Variants in CPXM2 observed in about 807,000 individuals in gnomAD.
The protein encoded by CPXM2 is inactive carboxypeptidase-like protein X2.
CPXM2 carries 66 observed loss-of-function variants against 86.1 expected under a neutral mutation model. The observed-to-expected ratio is 0.77, with a 90% confidence interval of 0.63 to 0.94. The LOEUF (loss-of-function observed/expected upper bound fraction) is 0.94. Ranked by LOEUF, CPXM2 falls within the 40% of genes least tolerant of loss-of-function variation. The pLI, the probability that CPXM2 is intolerant of heterozygous loss-of-function variation, is 0.00. For synonymous variants in CPXM2, 388 were observed against 400.2 expected (o/e 0.97, Z 0.36); for missense variants, 948 against 1,026.3 (o/e 0.92, Z 1.04).
At chr10:123,747,519 C>G (rs1845993291) in intron 13 of CPXM2, among the ~76,000 whole-genome samples, 1 of 152,164 alleles carries the variant, frequency 6.6e-6, no homozygotes, top group South Asian at 2.1e-4. Context: ...GCCCTGGCAC[C>G]TGTACCCCAT....
intron 6 of CPXM2, among the ~76,000 whole-genome samples, chr10:123,797,161 T>TATCTC (rs1847351405): frequency 6.6e-6 from 1 of 152,140 alleles, no homozygotes; most frequent in Admixed American, 6.5e-5. Flanking sequence ...CATGTGAAAA[T>TATCTC]AAGGCAAGTG....
chr10:123,854,433 T>A (rs1303767061), intron 3 of CPXM2, among the ~76,000 whole-genome samples: 9 of 121,178 alleles, frequency 7.4e-5, no homozygotes, highest in South Asian at 2.3e-4. Flanking sequence ...AATATATATA[T>A]AATATACTTT....
intron 1 of CPXM2, among the ~76,000 whole-genome samples, chr10:123,883,937 CG>C (rs1395544281): frequency 6.6e-6 from 1 of 152,174 alleles, no homozygotes; most frequent in Non-Finnish European, 1.5e-5. Flanking sequence ...ATCTGGGCCG[CG>C]TGACAAAACC....
intron 4 of CPXM2, among the ~76,000 whole-genome samples, chr10:123,806,826 G>A (rs1373024849): frequency 6.6e-6 from 1 of 151,910 alleles, no homozygotes; most frequent in African/African-American, 2.4e-5. Context: ...AACAGCATGG[G>A]GGAAACTGCC....
At chr10:123,796,940 G>C (rs1027033122) in intron 6 of CPXM2, among the ~76,000 whole-genome samples, 3 of 152,228 alleles carry the variant, frequency 2.0e-5, no homozygotes, top group Non-Finnish European at 4.4e-5. Flanking sequence ...GCCCTGTAGG[G>C]GGTGATCTCA....
At chr10:123,943,881 G>A (rs1239548532), upstream of CPXM2, among the ~76,000 whole-genome samples, 1 of 152,156 alleles carries the variant, frequency 6.6e-6, no homozygotes, top group Non-Finnish European at 1.5e-5. Context: ...AATAGAAGGG[G>A]GATCTGTGTA....
At chr10:123,850,493 G>A (rs183015112) in intron 3 of CPXM2, among the ~76,000 whole-genome samples, 6 of 152,272 alleles carry the variant, frequency 3.9e-5, no homozygotes, top group Admixed American at 1.3e-4. Context: ...ACCATCCAAC[G>A]TTGATGTGAA....
In CPXM2 at chr10:123,798,119, TC is replaced by T; in HGVS notation, c.745del (p.Glu249ArgfsTer25). On this transcript the variant is annotated frameshift_variant, in exon 6 of 14. Coordinates refer to ENST00000241305, the MANE Select transcript of CPXM2 (RefSeq NM_198148.3). LOFTEE classifies it high-confidence loss of function. ...AGGGATCTCCTTCTCACTGTTTCCC[TC>T]AAATATCTATTTATGCTCATGGGAG... ...VKNGSGDMIF[E>X]GNSEKEIPVL... The T allele has an allele frequency of 6.2e-7, 1 of 1,602,932 alleles. No homozygotes were observed. Among genetic ancestry groups the T allele is most frequent in the Non-Finnish European group, 8.5e-7 (1 of 1,175,170 alleles).
chr10:123,903,352 G>A (rs1484861118), intron 2 of CPXM2, among the ~76,000 whole-genome samples: 1 of 152,228 alleles, frequency 6.6e-6, no homozygotes, highest in East Asian at 1.9e-4. Flanking sequence ...GACCTTAAGA[G>A]CAGGATGCAA....
At chr10:123,902,828 A>G (rs1268196193) in intron 2 of CPXM2, among the ~76,000 whole-genome samples, 1 of 152,230 alleles carries the variant, frequency 6.6e-6, no homozygotes, top group Non-Finnish European at 1.5e-5. Context: ...CACTCAGGAA[A>G]GGCTCGCGGC....
In CPXM2 at chr10:123,746,714, G is replaced by T. The variant is rs770914524; in HGVS notation, c.*50C>A. On this transcript the variant is annotated 3_prime_UTR_variant, in exon 14 of 14. Transcript: ENST00000241305. ...GAGTCCACTATGGAGCTACTACCAG[G>T]TTGGTTTAATTTGCATGGGTCCCAG... is the stretch of plus-strand genomic sequence containing the variant. 1.7e-5 allele frequency: 27 copies of T among 1,578,934 alleles called. No homozygotes were observed. The African/African-American group carries it at 2.2e-4, about 13-fold the overall frequency.
At position 123,916,066 on chromosome 10, in the gene CPXM2, T is replaced by C. The variant is rs547150937; in HGVS notation, n.174+23411A>G. On this transcript the variant is annotated intron_variant and non_coding_transcript_variant, in intron 2 of 19. Transcript: ENST00000368854. ...AGGCTGCTCTTTCTCAGGCTTGAAG[T>C]TTGGTGCTGTACTTTATGCTTTGGG... Among the ~76,000 whole-genome samples, 3 of 152,184 alleles carry C rather than the reference T, an allele frequency of 2.0e-5. No individual in the cohort carries two copies. In the East Asian group the frequency reaches 5.8e-4, roughly 29 times the overall value.
intron 3 of CPXM2, among the ~76,000 whole-genome samples, chr10:123,845,346 T>C (rs182714284): frequency 9.7e-4 from 146 of 151,082 alleles, no homozygotes; most frequent in Non-Finnish European, 1.8e-3. Flanking sequence ...CAAACTATAA[T>C]AGAGAACAGA....
intron 2 of CPXM2, among the ~76,000 whole-genome samples, chr10:123,928,676 G>T (rs1388249913): frequency 3.3e-5 from 5 of 152,208 alleles, no homozygotes; most frequent in Admixed American, 3.3e-4. Context: ...CTATCTCTGG[G>T]TGTTCCCGCT....
chr10:123,773,121 G>A (rs531971176), intron 7 of CPXM2, among the ~76,000 whole-genome samples: 3 of 147,956 alleles, frequency 2.0e-5, no homozygotes, highest in Non-Finnish European at 4.5e-5. Context: ...CTGTTATTGT[G>A]GTCACCCCCT....
chr10:123,896,308 G>A (rs72827498), upstream of CPXM2, among the ~76,000 whole-genome samples: 1 of 151,952 alleles, frequency 6.6e-6, no homozygotes, highest in Non-Finnish European at 1.5e-5. Flanking sequence ...ACATACTCAG[G>A]CACAGCCATT....
chr10:123,840,114 C>G (rs566308521), intron 4 of CPXM2, among the ~76,000 whole-genome samples: 3 of 152,350 alleles, frequency 2.0e-5, no homozygotes, highest in Admixed American at 6.5e-5. Flanking sequence ...AGTGGCCAGA[C>G]AGCTTAACAT....
chr10:123,924,763 T>A (rs1302403183), intron 2 of CPXM2, among the ~76,000 whole-genome samples: 1 of 152,094 alleles, frequency 6.6e-6, no homozygotes, highest in African/African-American at 2.4e-5. Flanking sequence ...CCAGACTCCA[T>A]CCTGAAGCTA....
intron 6 of CPXM2, among the ~76,000 whole-genome samples, chr10:123,791,652 C>T (rs1382277946): frequency 1.3e-5 from 2 of 152,252 alleles, no homozygotes; most frequent in Non-Finnish European, 2.9e-5. Flanking sequence ...GGCCCACCCT[C>T]ATCCAGTATG....
Sources: allele counts gnomAD v4.1 joint callset (sites outside exome capture counted in the v4.1 genomes callset), GRCh38; gene constraint gnomAD v4.1.1; transcripts MANE v1.5; gene names NCBI Gene and HGNC (gene_info 2026-07-23, HGNC 2026-07-21).